The following PFAS variants were observed in gnomAD, a reference collection of about 807,000 sequenced individuals.
PFAS encodes the protein FGAM synthase.
Under a neutral mutation model 140.6 loss-of-function variants are expected in PFAS, and 97 were observed. That is an observed-to-expected ratio of 0.69 (90% CI 0.59 to 0.82). PFAS has a LOEUF of 0.82. Ranked by LOEUF, PFAS falls within the 40% of genes least tolerant of loss-of-function variation. The probability of loss-of-function intolerance (pLI) is 0.00; values close to 1 mark genes in which losing one functional copy is unlikely to be tolerated. For missense variants in PFAS, 1,656 were observed against 1,780.2 expected (o/e 0.93, Z 1.26); for synonymous variants, 679 against 718.8 (o/e 0.94, Z 0.88).
In PFAS at chr17:8,258,205, A is replaced by AGCCT. The variant is rs762493984; in HGVS notation, c.1336+10_1336+13dup. On this transcript the variant is annotated splice_region_variant and intron_variant, in intron 11 of 27. Transcript: ENST00000314666. Reference sequence around the variant, plus strand: ...CAAGGAGGCCCCAGAGCCAGGTAAGAGCCTGCCACCTTTCTCTGGATCCAG... The same window carrying AGCCT: ...CAAGGAGGCCCCAGAGCCAGGTAAGAGCCTGCCTGCCACCTTTCTCTGGATCCAG... The AGCCT allele has an allele frequency of 1.2e-5, 19 of 1,613,608 alleles. No individual in the cohort carries two copies. The highest frequency in any genetic ancestry group is 1.6e-5 in the Non-Finnish European group (19 of 1,179,966).
chr17:8,269,002 G>C lies in PFAS; in HGVS notation c.3755G>C (p.Arg1252Thr). ...SPELQAQIEA[R>T]GLAPLHWADD... is the part of the protein sequence containing the mutation. ...GAACTCCAAGCTCAGATTGAGGCCA[G>C]GGGCTTGGCTCCACTGCACTGGGCT... is the stretch of plus-strand genomic sequence containing the variant. The change falls in exon 28 of 28, where the codon AGG (arginine) becomes ACG (threonine). Residue 1252 changes from arginine to threonine, a missense_variant. Around this residue, in one of 2 missense-constraint regions of PFAS, gnomAD observed 883 missense variants for 1,023.0 expected, o/e 0.86. Coordinates refer to ENST00000314666, the MANE Select transcript of PFAS (RefSeq NM_012393.3). 1 of 1,614,216 alleles carries C rather than the reference G, an allele frequency of 6.2e-7. No individual in the cohort carries two copies. The highest frequency in any genetic ancestry group is 8.5e-7 in the Non-Finnish European group (1 of 1,180,022).
rs751948612 is a variant in PFAS, at chr17:8,264,318, T to C, written c.1898T>C (p.Leu633Pro). The change falls in exon 16 of 28, where the codon CTG (leucine) becomes CCG (proline). Residue 633 changes from leucine (L) to proline (P), a missense_variant. Leu to Pro is a moderately conservative substitution (Grantham distance 98). Coordinates refer to ENST00000314666, the MANE Select transcript of PFAS (RefSeq NM_012393.3). Reference sequence around the variant, plus strand: ...GTGGACCTGGAGCTCGAATGGGTGCTGGGCAAGATGCCTCGGAAGGTATGT... The same window carrying C: ...GTGGACCTGGAGCTCGAATGGGTGCCGGGCAAGATGCCTCGGAAGGTATGT... ...TPVDLELEWVLGKMPRKEFFL... is the reference protein window; with the variant it reads ...TPVDLELEWVPGKMPRKEFFL... 20 of 1,613,898 alleles carry C rather than the reference T, an allele frequency of 1.2e-5. No individual in the cohort carries two copies. In the South Asian group the frequency reaches 2.1e-4, roughly 17 times the overall value.
intron 26 of PFAS, among the ~76,000 whole-genome samples, chr17:8,268,031 A>T (rs1989899203): frequency 1.7e-5 from 2 of 117,458 alleles, no homozygotes; most frequent in Admixed American, 1.1e-4. Context: ...ATATATTATT[A>T]AAATATGTAT....
intron 26 of PFAS, among the ~76,000 whole-genome samples, 182 bp from the exon 27 acceptor site, chr17:8,268,351 T>G (rs1183188261): frequency 2.5e-5 from 3 of 121,878 alleles, no homozygotes; most frequent in East Asian, 2.2e-4. Context: ...CCAGCCTGGG[T>G]GACAGAATGA....
chr17:8,267,591 T>C lies in PFAS; in HGVS notation c.3308T>C (p.Ile1103Thr), dbSNP rs753257554. 3 of 1,613,584 alleles carry C rather than the reference T, an allele frequency of 1.9e-6. No individual in the cohort carries two copies. Among genetic ancestry groups the C allele is most frequent in the Admixed American group, 1.7e-5 (1 of 60,006 alleles). ...VTMQDLCSGA[I>T]GLDTFRGVAF... ...ATGCAGGACCTCTGCTCTGGGGCAA[T>C]TGGGCTGGACACTTTCCGTGGCGTG... Residue 1103 changes from isoleucine to threonine, a missense_variant, in exon 26 of 28, where the codon ATT (isoleucine) becomes ACT (threonine). Ile to Thr is a moderately conservative substitution (Grantham distance 89, BLOSUM62 -1). Transcript: ENST00000314666. This position sits in a 1 kb window ranked among gnomAD's most constrained non-coding sequence, Gnocchi z 4.9.
intron 3 of PFAS, among the ~76,000 whole-genome samples, chr17:8,254,632 G>T (rs539183092): frequency 6.6e-6 from 1 of 151,992 alleles, no homozygotes; most frequent in African/African-American, 2.4e-5. Context: ...GTGAAGCCTC[G>T]TCTCTACTAA....
At chr17:8,248,067 C>T, upstream of PFAS, 4 of 886,354 alleles carry the variant, frequency 4.5e-6, no homozygotes, top group Non-Finnish European at 6.4e-6. Context: ...CCGGGAGGGG[C>T]AGGTGCTCGC....
At chr17:8,254,675 G>A (rs1324512210) in intron 3 of PFAS, among the ~76,000 whole-genome samples, 3 of 151,724 alleles carry the variant, frequency 2.0e-5, no homozygotes, top group South Asian at 4.2e-4. Context: ...GTGGTGGCGG[G>A]CGCCTGTAGT....
At chr17:8,249,730 A>G (rs1208544727) in intron 1 of PFAS, among the ~76,000 whole-genome samples, 2 of 152,186 alleles carry the variant, frequency 1.3e-5, no homozygotes, top group Admixed American at 1.3e-4. Flanking sequence ...TAATAAACAA[A>G]ATGCCTTCAG....
At chr17:8,256,993 C>A in intron 9 of PFAS, 30 bp downstream of exon 9, 1 of 1,612,838 alleles carries the variant, frequency 6.2e-7, no homozygotes, top group African/African-American at 1.3e-5. Context: ...TATCCACCTT[C>A]CCTTCCAGAT....
intron 7 of PFAS, 34 bp downstream of exon 7, chr17:8,256,441 C>T (rs1341946267): frequency 6.2e-7 from 1 of 1,613,704 alleles, no homozygotes; most frequent in Non-Finnish European, 8.5e-7. Context: ...GCGTCAGGAC[C>T]CGGGGAGGGG....
intron 13 of PFAS, 93 bp from the exon 14 acceptor site, chr17:8,263,482 C>A: frequency 1.7e-6 from 2 of 1,176,660 alleles, no homozygotes; most frequent in Non-Finnish European, 2.5e-6. Flanking sequence ...CACAGGAACA[C>A]ACCAAATTAC....
chr17:8,269,083 G>A lies in PFAS; in HGVS notation c.3836G>A (p.Gly1279Glu). 1.9e-6 allele frequency: 3 copies of A among 1,614,194 alleles called. No homozygotes were observed. Residue 1279 changes from glycine (G) to glutamate (E), a missense_variant, in exon 28 of 28, where the codon GGG becomes GAG. This residue lies in a region of PFAS where 883 missense variants were observed against 1,023.0 expected (regional missense o/e 0.86). Coordinates refer to ENST00000314666, the MANE Select transcript of PFAS (RefSeq NM_012393.3). ...CCTCTGAATCCCAATGGGTCCCCAG[G>A]GGGCGTGGCTGGCATCTGCTCCTGT... ...QYPLNPNGSPGGVAGICSCDG... is the reference protein window; with the variant it reads ...QYPLNPNGSPEGVAGICSCDG...
At chr17:8,261,602 T>C (rs1597423763) in intron 11 of PFAS, among the ~76,000 whole-genome samples, 1 of 151,684 alleles carries the variant, frequency 6.6e-6, no homozygotes, top group East Asian at 2.0e-4. Flanking sequence ...TCTATTCAGA[T>C]CCTTTCCTAT....
Position 8,256,641 on chromosome 17 carries a change from T to C in PFAS, c.939T>C (p.Phe313=), listed in dbSNP as rs536996085. 35 of 1,614,054 alleles carry C rather than the reference T, an allele frequency of 2.2e-5. No individual in the cohort carries two copies. Among genetic ancestry groups the C allele is most frequent in the South Asian group, 4.4e-5 (4 of 91,078 alleles). Residue 313 remains phenylalanine, a synonymous_variant, in exon 8 of 28, where the codon TTT becomes TTC. Transcript: ENST00000314666. The part of the protein sequence containing the change: ...HVVFTAETHN[F]PTGVCPFSGA... ...TCTTCACAGCAGAGACTCACAACTT[T>C]CCCACAGGTGAGCTGGGTTCCCTGG...
At chr17:8,258,290 G>A in intron 11 of PFAS, 91 bp downstream of exon 11, 3 of 1,405,468 alleles carry the variant, frequency 2.1e-6, no homozygotes, top group Non-Finnish European at 2.9e-6. Context: ...CACTTCAGTG[G>A]TTAGTTTTTA....
Position 8,256,886 on chromosome 17 carries a change from A to G in PFAS, c.998A>G (p.Asp333Gly), listed in dbSNP as rs560782236. Residue 333 changes from aspartate (D) to glycine (G), a missense_variant, in exon 9 of 28, where the codon GAT (aspartate) becomes GGT (glycine). Around this residue, in one of 2 missense-constraint regions of PFAS, gnomAD observed 773 missense variants for 757.3 expected, o/e 1.02. Transcript: ENST00000314666. ...ATTGTGGRIR[D>G]VQCTGRGAHV... is the part of the protein sequence containing the mutation. Reference sequence around the variant, plus strand: ...ACTGGCACAGGGGGCCGGATTCGAGATGTCCAGTGCACAGGCCGCGGGGCC... The same window carrying G: ...ACTGGCACAGGGGGCCGGATTCGAGGTGTCCAGTGCACAGGCCGCGGGGCC... 2.5e-6 allele frequency: 4 copies of G among 1,613,940 alleles called. No individual in the cohort carries two copies. In the East Asian group the frequency reaches 8.9e-5, roughly 36 times the overall value.
chr17:8,268,784 G>C lies in PFAS; in HGVS notation c.3634G>C (p.Gly1212Arg), dbSNP rs773654995. 1 of 1,609,586 alleles carries C rather than the reference G, an allele frequency of 6.2e-7. No individual in the cohort carries two copies. Residue 1212 changes from glycine (G) to arginine (R), a missense_variant, in exon 27 of 28, where the codon GGG becomes CGG. Transcript: ENST00000314666. ...YESRWASVRV[G>R]PGPALMLRGM... ...GTCTCGCTGGGCCAGCGTGCGTGTG[G>C]GGCCTGGGCCAGCCCTGATGCTGCG...
At chr17:8,247,881 C>T (rs961315551), upstream of PFAS, 6 of 948,694 alleles carry the variant, frequency 6.3e-6, no homozygotes, top group East Asian at 1.6e-4. Context: ...ACTCACAACC[C>T]CCTCACCCAT....
Sources: allele counts gnomAD v4.1 joint callset (sites outside exome capture counted in the v4.1 genomes callset), GRCh38; gene constraint gnomAD v4.1.1; regional missense constraint gnomAD v4.1.1; non-coding constraint Gnocchi (gnomAD v3.1); transcripts MANE v1.5; gene names NCBI Gene and HGNC (gene_info 2026-07-23, HGNC 2026-07-21).